The following MYT1L variants were observed in gnomAD, a reference collection of about 807,000 sequenced individuals.
MYT1L encodes the protein myelin transcription factor 1 like.
MYT1L carries 12 observed loss-of-function variants against 126.7 expected under a neutral mutation model. That is an observed-to-expected ratio of 0.09 (90% CI 0.06 to 0.15). The LOEUF is 0.15. Among genes scored for constraint, MYT1L ranks in the 10% least tolerant of loss-of-function variants. The probability of loss-of-function intolerance (pLI) is 1.00; values close to 1 mark genes in which losing one functional copy is unlikely to be tolerated. For missense variants in MYT1L, 979 were observed against 1,585.2 expected, an observed-to-expected ratio of 0.62 and a Z score of 6.49; for synonymous variants, 541 against 604.2, an observed-to-expected ratio of 0.90 and a Z score of 1.53.
chr2:2,060,415 A>G (rs940350993), intron 3 of MYT1L, among the ~76,000 whole-genome samples: 11 of 152,090 alleles, frequency 7.2e-5, no homozygotes, highest in African/African-American at 2.4e-4. Context: ...ATTTATTTTG[A>G]GTTAATTATG....
intron 1 of MYT1L, among the ~76,000 whole-genome samples, chr2:2,299,683 G>A (rs2095754160): frequency 6.6e-6 from 1 of 152,204 alleles, no homozygotes; most frequent in African/African-American, 2.4e-5. Context: ...CACCCGAACT[G>A]TTAATCACAT....
At chr2:2,038,095 G>C (rs1426128375) in intron 4 of MYT1L, among the ~76,000 whole-genome samples, 1 of 152,184 alleles carries the variant, frequency 6.6e-6, no homozygotes, top group African/African-American at 2.4e-5. Context: ...AGAAACCTGA[G>C]CAATAGGACC....
intron 3 of MYT1L, among the ~76,000 whole-genome samples, chr2:2,139,006 G>A (rs1199831770): frequency 4.0e-5 from 6 of 151,890 alleles, no homozygotes; most frequent in African/African-American, 1.2e-4. Flanking sequence ...AAACAATCAC[G>A]TTCCTTCTTA....
At chr2:2,166,084 C>T (rs565932260) in intron 3 of MYT1L, among the ~76,000 whole-genome samples, 41 of 152,308 alleles carry the variant, frequency 2.7e-4, no homozygotes, top group Admixed American at 1.4e-3. Context: ...ACGTTGTTAA[C>T]TAGAAAATCC....
At chr2:2,254,075 G>A (rs549729691) in intron 2 of MYT1L, among the ~76,000 whole-genome samples, 1 of 152,264 alleles carries the variant, frequency 6.6e-6, no homozygotes, top group South Asian at 2.1e-4. Context: ...GTTGTGCACC[G>A]TGGCCGTGGC....
intron 1 of MYT1L, among the ~76,000 whole-genome samples, chr2:2,295,741 C>CAGAG (rs1264676606): frequency 3.6e-5 from 1 of 27,624 alleles, no homozygotes; most frequent in Non-Finnish European, 7.9e-5. Flanking sequence ...GACAGACAGA[C>CAGAG]AGAGAGAGAG....
chr2:2,262,326 T>G (rs766372824), intron 2 of MYT1L, among the ~76,000 whole-genome samples: 5 of 152,170 alleles, frequency 3.3e-5, no homozygotes, highest in Non-Finnish European at 5.9e-5. Context: ...ATAATTATGA[T>G]TCCTTCCAGC....
chr2:2,006,341 CT>C (rs1456243107), intron 4 of MYT1L, among the ~76,000 whole-genome samples: 1 of 152,100 alleles, frequency 6.6e-6, no homozygotes, highest in African/African-American at 2.4e-5. Flanking sequence ...AACAAATTAA[CT>C]TGTTTATCAT....
chr2:2,274,116 T>C (rs944743404), intron 2 of MYT1L, among the ~76,000 whole-genome samples: 10 of 152,200 alleles, frequency 6.6e-5, no homozygotes, highest in African/African-American at 1.9e-4. Flanking sequence ...AATTACTATA[T>C]GTTTCAAAAT....
intron 18 of MYT1L, among the ~76,000 whole-genome samples, chr2:1,875,213 C>T (rs547803830): frequency 1.1e-4 from 16 of 152,154 alleles, no homozygotes; most frequent in East Asian, 3.9e-4. Flanking sequence ...TGAGTGCGAT[C>T]GCTGCGGGGA....
At chr2:2,312,959 T>A (rs953948789) in intron 1 of MYT1L, among the ~76,000 whole-genome samples, 32 of 152,164 alleles carry the variant, frequency 2.1e-4, no homozygotes, top group Non-Finnish European at 4.6e-4. Flanking sequence ...GATGGTTGAG[T>A]GGCTATTGTT....
At chr2:2,089,097 A>G (rs2076644386) in intron 3 of MYT1L, among the ~76,000 whole-genome samples, 2 of 152,250 alleles carry the variant, frequency 1.3e-5, no homozygotes, top group South Asian at 4.1e-4. Context: ...TTTCACAAAA[A>G]AGAAAGGAGC....
intron 2 of MYT1L, among the ~76,000 whole-genome samples, chr2:2,261,609 C>T (rs1454803660): frequency 6.6e-6 from 1 of 151,894 alleles, no homozygotes; most frequent in Non-Finnish European, 1.5e-5. Context: ...CAGAATCTGG[C>T]AAAAAATGCA....
intron 4 of MYT1L, among the ~76,000 whole-genome samples, chr2:2,040,196 T>C (rs1469114321): frequency 6.6e-6 from 1 of 152,188 alleles, no homozygotes. Context: ...ATTTGGAAAC[T>C]AGTGATGTGT....
intron 9 of MYT1L, among the ~76,000 whole-genome samples, chr2:1,936,216 C>T (rs1163899625): frequency 6.6e-6 from 1 of 152,278 alleles, no homozygotes; most frequent in African/African-American, 2.4e-5. Flanking sequence ...AGCCACCACA[C>T]CCGTCCTCTA....
intron 2 of MYT1L, among the ~76,000 whole-genome samples, chr2:2,213,880 A>G (rs2093603200): frequency 6.6e-6 from 1 of 152,244 alleles, no homozygotes; most frequent in African/African-American, 2.4e-5. Flanking sequence ...AGAAAAATCA[A>G]TCAATCTAAC....
At chr2:2,098,800 G>C (rs913440427) in intron 3 of MYT1L, among the ~76,000 whole-genome samples, 2 of 152,224 alleles carry the variant, frequency 1.3e-5, no homozygotes, top group Admixed American at 6.5e-5. Flanking sequence ...GAGAAAACAG[G>C]GTCTGTAAAC....
chr2:1,889,486 A>T lies in MYT1L; in HGVS notation c.2284-9T>A. 6.3e-7 allele frequency: 1 copy of T among 1,583,560 alleles called. No individual in the cohort carries two copies. The highest frequency in any genetic ancestry group is 8.6e-7 in the Non-Finnish European group (1 of 1,162,056). The stretch of plus-strand genomic sequence containing the variant: ...ACCTCCATGTCAGGGTTCTGTCGGT[A>T]GAAAGACATAGTGACTGTGCTTGGC... On this transcript the variant is annotated splice_polypyrimidine_tract_variant and intron_variant, in intron 15 of 24. Transcript: ENST00000647738. The surrounding 1 kb of genome is among the most constrained non-coding windows in gnomAD (Gnocchi z 4.1).
intron 1 of MYT1L, among the ~76,000 whole-genome samples, chr2:2,327,555 G>C (rs2096257759): frequency 6.6e-6 from 1 of 152,170 alleles, no homozygotes; most frequent in Non-Finnish European, 1.5e-5. Context: ...ACGCTATGGA[G>C]TAATTAGATT....
Sources: gnomAD v4.1 joint callset for allele counts (sites outside exome capture counted in the v4.1 genomes callset) on GRCh38, gnomAD v4.1.1 for gene constraint, Gnocchi (gnomAD v3.1) non-coding constraint, MANE v1.5 for transcripts, NCBI Gene and HGNC (gene_info 2026-07-23, HGNC 2026-07-21) for gene names.